Variants in NIPSNAP2 observed in about 807,000 individuals in gnomAD.
NIPSNAP2 encodes protein NipSnap homolog 2.
In NIPSNAP2, 42 loss-of-function variants were observed where a neutral mutation model predicts 48.4. The ratio of observed to expected loss-of-function variants is 0.87; its 90% CI spans 0.68 to 1.12. The LOEUF is 1.12. Ranked by LOEUF, NIPSNAP2 falls within the 50% of genes most tolerant of loss-of-function variation. The pLI is 0.00. For synonymous variants in NIPSNAP2, 158 were observed against 126.6 expected, an observed-to-expected ratio of 1.25 and a Z score of -1.67; for missense variants, 314 against 347.3, an observed-to-expected ratio of 0.90 and a Z score of 0.76.
chr7:55,992,974 A>ATT (rs538339479), intron 7 of NIPSNAP2, among the ~76,000 whole-genome samples: 1 of 150,114 alleles, frequency 6.7e-6, no homozygotes, highest in Non-Finnish European at 1.5e-5. Context: ...ATCACTAAAT[A>ATT]TTTTTTTTTT....
intron 7 of NIPSNAP2, among the ~76,000 whole-genome samples, chr7:55,985,574 A>G (rs574864341): frequency 2.6e-5 from 4 of 151,914 alleles, no homozygotes; most frequent in African/African-American, 9.7e-5. Context: ...CCCAACCTCT[A>G]CCAAAATAAA....
chr7:55,970,353 G>T (rs1786994910), intron 1 of NIPSNAP2, among the ~76,000 whole-genome samples: 1 of 149,344 alleles, frequency 6.7e-6, no homozygotes, highest in Non-Finnish European at 1.5e-5. Context: ...CTCTTGCCCA[G>T]GCTGGAGAGC....
At chr7:55,969,001 C>T (rs756256838) in intron 1 of NIPSNAP2, among the ~76,000 whole-genome samples, 26 of 150,824 alleles carry the variant, frequency 1.7e-4, no homozygotes, top group African/African-American at 2.4e-4. Context: ...GAGCCGAGAT[C>T]GCGCCACTGC....
intron 1 of NIPSNAP2, among the ~76,000 whole-genome samples, chr7:55,965,509 T>C (rs1395912479): frequency 6.6e-6 from 1 of 152,164 alleles, no homozygotes; most frequent in Non-Finnish European, 1.5e-5. Flanking sequence ...CCTAAGGAAC[T>C]GTGTGTTAAA....
At chr7:55,987,606 A>AGTG (rs1787358417) in intron 7 of NIPSNAP2, among the ~76,000 whole-genome samples, 1 of 152,080 alleles carries the variant, frequency 6.6e-6, no homozygotes, top group Non-Finnish European at 1.5e-5. Context: ...CCAGCCTGGC[A>AGTG]ACAGAGCGAG....
chr7:55,989,966 A>T (rs1410373835), intron 7 of NIPSNAP2, among the ~76,000 whole-genome samples: 2 of 151,510 alleles, frequency 1.3e-5, no homozygotes. Flanking sequence ...AAAAAAAAAA[A>T]AATTAGCTGG....
At chr7:55,970,925 T>G (rs777350134) in intron 1 of NIPSNAP2, among the ~76,000 whole-genome samples, 1 of 152,164 alleles carries the variant, frequency 6.6e-6, no homozygotes. Flanking sequence ...GCAGTGTATG[T>G]CTAAGTTTAC....
At chr7:55,995,524 C>T (rs1787544611) in intron 8 of NIPSNAP2, among the ~76,000 whole-genome samples, 1 of 152,210 alleles carries the variant, frequency 6.6e-6, no homozygotes, top group Non-Finnish European at 1.5e-5. Flanking sequence ...AACATCATCA[C>T]TCCTCCTGAG....
At chr7:55,978,490 T>G in intron 3 of NIPSNAP2, 95 bp downstream of exon 3, 1 of 1,069,546 alleles carries the variant, frequency 9.3e-7, no homozygotes, top group Non-Finnish European at 1.3e-6. Flanking sequence ...GAGAGATCTT[T>G]CATCCCTCTC....
chr7:55,996,569 G>A (rs10229446), intron 8 of NIPSNAP2, among the ~76,000 whole-genome samples: 108,397 of 151,978 alleles, frequency 0.71, 39,057 homozygotes, highest in Non-Finnish European at 0.76. Context: ...GCTGGAACAC[G>A]CTCCCTGCCC....
rs773953831 is a variant in NIPSNAP2, at chr7:55,978,225, C to T, written c.192C>T (p.Leu64=). The change falls in exon 2 of 10, where the codon CTC becomes CTT. Residue 64 remains leucine, a synonymous_variant. Coordinates refer to ENST00000322090, the MANE Select transcript of NIPSNAP2 (RefSeq NM_001483.3). ...VDPRKDAHSN[L]LAKKETSNLY... ...CAAGAAAAGATGCCCACTCCAATCT[C>T]CTAGCCAAAAAGGAAACAAGCAATC... 7.4e-6 allele frequency: 12 copies of T among 1,614,050 alleles called. No homozygotes were observed. The highest frequency in any genetic ancestry group is 1.7e-5 in the Admixed American group (1 of 60,000).
At chr7:55,973,108 A>AG (rs200606728) in intron 1 of NIPSNAP2, among the ~76,000 whole-genome samples, 6,667 of 152,196 alleles carry the variant, frequency 0.044, 175 homozygotes, top group Admixed American at 0.062. Flanking sequence ...CCTGTCTCAA[A>AG]GAAAAAAAAA....
At chr7:55,984,029 A>G (rs992664372) in intron 6 of NIPSNAP2, among the ~76,000 whole-genome samples, 161 bp downstream of exon 6, 4 of 152,046 alleles carry the variant, frequency 2.6e-5, no homozygotes, top group Admixed American at 1.3e-4. Flanking sequence ...CACTGTCACC[A>G]AGGCTAAGCT....
rs374068020 is a variant in NIPSNAP2 at position 55,973,508 on chromosome 7, CT to C, written c.93-4617del. Among the ~76,000 whole-genome samples, 424 of 151,884 alleles carry C rather than the reference CT, an allele frequency of 2.8e-3. 8 individuals carry two copies. The South Asian group carries it at 0.04, about 14-fold the overall frequency. On this transcript the variant is annotated intron_variant, in intron 1 of 9. Transcript: ENST00000322090. ...TTACTTTTTTTGAGATTGAGTCTTG[CT>C]GTGTAGCCCAGGCTGGAGTGCAGTG... is the stretch of plus-strand genomic sequence containing the variant.
chr7:55,967,239 A>G (rs1207384314), intron 1 of NIPSNAP2, among the ~76,000 whole-genome samples: 3 of 152,222 alleles, frequency 2.0e-5, no homozygotes, highest in Non-Finnish European at 2.9e-5. Context: ...TTCTCCAGTC[A>G]TGAAACATTT....
intron 7 of NIPSNAP2, among the ~76,000 whole-genome samples, chr7:55,993,309 C>T (rs903050647): frequency 1.3e-5 from 2 of 150,794 alleles, no homozygotes; most frequent in African/African-American, 4.9e-5. Flanking sequence ...AAAAAAAGGG[C>T]TGTAGGCTGG....
intron 1 of NIPSNAP2, among the ~76,000 whole-genome samples, chr7:55,974,336 G>A (rs911373811): frequency 1.4e-4 from 22 of 151,850 alleles, no homozygotes; most frequent in African/African-American, 4.1e-4. Context: ...CTAAAATACC[G>A]TTGCTGCATA....
chr7:55,998,983 G>A (rs766612995), intron 9 of NIPSNAP2, 25 bp from the exon 10 acceptor site: 2 of 1,593,810 alleles, frequency 1.3e-6, no homozygotes, highest in Non-Finnish European at 1.7e-6. Flanking sequence ...AGTAACAAGT[G>A]CAGTAACCCT....
Position 55,997,385 on chromosome 7 carries a change from C to G in NIPSNAP2, c.732C>G (p.Thr244=), listed in dbSNP as rs1787583647. The change falls in exon 9 of 10, where the codon ACC becomes ACG. Residue 244 remains threonine, a synonymous_variant. Transcript: ENST00000322090. ...HHLWAYRDLQ[T]REDIRNAAWH... Reference sequence around the variant, plus strand: ...TTTAAGCTTACAGGGATCTTCAGACCAGGGAAGACATACGGAATGCAGCAT... The same window carrying G: ...TTTAAGCTTACAGGGATCTTCAGACGAGGGAAGACATACGGAATGCAGCAT... The G allele has an allele frequency of 1.9e-6, 3 of 1,613,584 alleles. No homozygotes were observed. Among genetic ancestry groups the G allele is most frequent in the Non-Finnish European group, 1.7e-6 (2 of 1,179,638 alleles).
Sources: gnomAD v4.1 joint callset for allele counts (sites outside exome capture counted in the v4.1 genomes callset) on GRCh38, gnomAD v4.1.1 for gene constraint, MANE v1.5 for transcripts, NCBI Gene and HGNC (gene_info 2026-07-23, HGNC 2026-07-21) for gene names.